The following NTRK3 variants were observed in gnomAD, a reference collection of about 807,000 sequenced individuals.
NTRK3 encodes NT-3 growth factor receptor.
Under a neutral mutation model 91.7 loss-of-function variants are expected in NTRK3, and 24 were observed. The observed-to-expected ratio is 0.26, with a 90% CI of 0.19 to 0.37. The LOEUF is 0.37. Ranked by LOEUF, NTRK3 falls within the 10% of genes least tolerant of loss-of-function variation. The pLI, the probability that NTRK3 is intolerant of heterozygous loss-of-function variation, is 1.00. For synonymous variants in NTRK3, 483 were observed against 404.0 expected, an observed-to-expected ratio of 1.20 and a Z score of -2.34; for missense variants, 880 against 1,068.9, an observed-to-expected ratio of 0.82 and a Z score of 2.46.
rs372632632 is a variant in NTRK3, at chr15:88,135,079, G to A, written c.1204+22C>T. 85 of 1,613,778 alleles carry A rather than the reference G, an allele frequency of 5.3e-5. No individual in the cohort carries two copies. In the African/African-American group the frequency reaches 8.3e-4, roughly 16 times the overall value. On this transcript the variant is annotated intron_variant, in intron 10 of 18. Coordinates refer to ENST00000394480, the Ensembl canonical transcript of NTRK3. ...TTGTAGAAAGAATCCATACACCTCC[G>A]ATCCAGCTACGCTGCCCTCACCTGG...
intron 17 of NTRK3, among the ~76,000 whole-genome samples, chr15:87,905,319 G>T (rs991754030): frequency 6.6e-6 from 1 of 152,170 alleles, no homozygotes; most frequent in Non-Finnish European, 1.5e-5. Context: ...GAAAACTGGA[G>T]AGGGTTATTG....
chr15:88,112,688 G>C (rs142440930), intron 13 of NTRK3, among the ~76,000 whole-genome samples: 1 of 152,186 alleles, frequency 6.6e-6, no homozygotes, highest in Non-Finnish European at 1.5e-5. Context: ...CAGGAGCCTG[G>C]CTCTAAGGGC....
chr15:88,215,594 A>G (rs1259974005), intron 3 of NTRK3, among the ~76,000 whole-genome samples: 1 of 152,208 alleles, frequency 6.6e-6, no homozygotes, highest in African/African-American at 2.4e-5. Flanking sequence ...GAAGAGGCCC[A>G]AAGAATTCTA....
chr15:87,919,399 C>A (rs1161175849), intron 17 of NTRK3, among the ~76,000 whole-genome samples: 3 of 152,180 alleles, frequency 2.0e-5, no homozygotes, highest in East Asian at 3.9e-4. Context: ...GTTCTTTGCA[C>A]CTCAACCTCC....
At chr15:88,009,453 AAT>A (rs1251229361) in intron 14 of NTRK3, among the ~76,000 whole-genome samples, 10 of 152,222 alleles carry the variant, frequency 6.6e-5, no homozygotes, top group African/African-American at 2.2e-4. Context: ...CGTTCCACCT[AAT>A]GGTTGCCATG....
intron 17 of NTRK3, among the ~76,000 whole-genome samples, chr15:87,906,318 C>A (rs189512207): frequency 7.2e-5 from 11 of 152,334 alleles, no homozygotes; most frequent in Admixed American, 2.0e-4. Flanking sequence ...CTGTAAGCTG[C>A]CCTTCCGTTA....
chr15:88,153,506 C>T (rs1319048277), intron 5 of NTRK3, among the ~76,000 whole-genome samples: 5 of 152,132 alleles, frequency 3.3e-5, no homozygotes, highest in Non-Finnish European at 5.9e-5. Flanking sequence ...CCACCTGCCT[C>T]GGCCTCCCAA....
intron 14 of NTRK3, among the ~76,000 whole-genome samples, chr15:87,947,992 A>T: frequency 6.6e-6 from 1 of 151,702 alleles, no homozygotes. Context: ...CTCAAGATAT[A>T]AATTTCTGCC....
chr15:88,154,860 G>T (rs2043740704), intron 5 of NTRK3, among the ~76,000 whole-genome samples: 1 of 152,144 alleles, frequency 6.6e-6, no homozygotes, highest in Admixed American at 6.6e-5. Flanking sequence ...GTAAGAGAAG[G>T]ACCTGGCAAA....
chr15:88,116,761 T>C (rs994353629), intron 13 of NTRK3, among the ~76,000 whole-genome samples: 1 of 152,210 alleles, frequency 6.6e-6, no homozygotes, highest in Non-Finnish European at 1.5e-5. Flanking sequence ...ATGTTCAAGT[T>C]TGAGAAGTAC....
At chr15:87,862,431 T>A (rs1330206260) in exon 19 of NTRK3, 2 of 227,272 alleles carry the variant, frequency 8.8e-6, no homozygotes, top group Non-Finnish European at 1.7e-5. Context: ...GGATAAGATA[T>A]AGGGGAAATT....
intron 6 of NTRK3, among the ~76,000 whole-genome samples, chr15:88,143,013 G>A (rs55658223): frequency 1.1e-3 from 164 of 151,642 alleles, no homozygotes; most frequent in African/African-American, 3.5e-3. Context: ...CCAGGAGTTC[G>A]AGACCAGCTT....
At chr15:88,120,497 G>T (rs552149477) in intron 13 of NTRK3, among the ~76,000 whole-genome samples, 3 of 152,302 alleles carry the variant, frequency 2.0e-5, no homozygotes, top group South Asian at 2.1e-4. Flanking sequence ...AGGCATTGCC[G>T]GAAGCCCAAG....
intron 13 of NTRK3, among the ~76,000 whole-genome samples, chr15:88,041,456 C>A (rs979635707): frequency 6.6e-6 from 1 of 152,172 alleles, no homozygotes; most frequent in Non-Finnish European, 1.5e-5. Flanking sequence ...TTAAACAGTA[C>A]CCCCATCACT....
chr15:88,239,220 C>G, intron 3 of NTRK3, among the ~76,000 whole-genome samples: 1 of 151,348 alleles, frequency 6.6e-6, no homozygotes, highest in South Asian at 2.1e-4. Flanking sequence ...GGGAAGTGGC[C>G]GGATCACGAG....
chr15:88,052,309 A>T (rs959234824), intron 13 of NTRK3, among the ~76,000 whole-genome samples: 3 of 152,190 alleles, frequency 2.0e-5, no homozygotes, highest in Admixed American at 6.5e-5. Context: ...CCATTTCTTA[A>T]TTTCCCAGTA....
chr15:88,008,915 T>G (rs1375083214), intron 14 of NTRK3, among the ~76,000 whole-genome samples: 1 of 152,220 alleles, frequency 6.6e-6, no homozygotes, highest in Non-Finnish European at 1.5e-5. Flanking sequence ...TGTCCCAGAC[T>G]TCACAGACCA....
chr15:87,900,034 G>C (rs762104900), intron 17 of NTRK3, among the ~76,000 whole-genome samples: 1 of 152,202 alleles, frequency 6.6e-6, no homozygotes, highest in Non-Finnish European at 1.5e-5. Context: ...TTGCTGCTGA[G>C]AGGAGAGAGC....
intron 14 of NTRK3, among the ~76,000 whole-genome samples, chr15:87,967,016 C>A (rs1336862949): frequency 6.6e-6 from 1 of 152,186 alleles, no homozygotes; most frequent in African/African-American, 2.4e-5. Flanking sequence ...CAAGATCACC[C>A]CCAATTGAAA....
Sources: gnomAD v4.1 joint callset for allele counts (sites outside exome capture counted in the v4.1 genomes callset) on GRCh38, gnomAD v4.1.1 for gene constraint, MANE v1.5 for transcripts, NCBI Gene and HGNC (gene_info 2026-07-23, HGNC 2026-07-21) for gene names.